PRKN: variants seen among roughly 807,000 people sequenced by gnomAD.
PRKN encodes E3 ubiquitin-protein ligase parkin.
Under a neutral mutation model 59.5 loss-of-function variants are expected in PRKN, and 56 were observed. The observed-to-expected ratio is 0.94, with a 90% CI of 0.76 to 1.18. The LOEUF (loss-of-function observed/expected upper bound fraction) is 1.18. PRKN is among the 50% of genes most tolerant of loss of function. The pLI, the probability that PRKN is intolerant of heterozygous loss-of-function variation, is 0.00. For synonymous variants in PRKN, 250 were observed against 222.1 expected, an observed-to-expected ratio of 1.13 and a Z score of -1.12; for missense variants, 657 against 596.4, an observed-to-expected ratio of 1.10 and a Z score of -1.06.
chr6:161,819,742 G>A (rs547027865), intron 6 of PRKN, among the ~76,000 whole-genome samples: 14 of 152,164 alleles, frequency 9.2e-5, no homozygotes, highest in Non-Finnish European at 1.8e-4. Flanking sequence ...CAGAGATTAA[G>A]GCACATCACA....
intron 4 of PRKN, among the ~76,000 whole-genome samples, chr6:162,158,049 A>T (rs1331141812): frequency 6.6e-6 from 1 of 152,022 alleles, no homozygotes; most frequent in Non-Finnish European, 1.5e-5. Flanking sequence ...TCAGAAGGTA[A>T]CTCATGAAAT....
chr6:162,328,569 C>T (rs774755114), intron 2 of PRKN, among the ~76,000 whole-genome samples: 6 of 152,118 alleles, frequency 3.9e-5, no homozygotes, highest in Non-Finnish European at 7.3e-5. Flanking sequence ...AGAAAAGAGA[C>T]CGGTAAATAA....
At chr6:162,380,236 T>C (rs367686287) in intron 2 of PRKN, among the ~76,000 whole-genome samples, 2 of 151,788 alleles carry the variant, frequency 1.3e-5, no homozygotes, top group East Asian at 1.9e-4. Context: ...AAATCAAGTA[T>C]AGTGATAGCA....
chr6:162,015,413 T>C (rs368196228), intron 5 of PRKN, among the ~76,000 whole-genome samples: 1 of 152,182 alleles, frequency 6.6e-6, no homozygotes, highest in African/African-American at 2.4e-5. Flanking sequence ...AAGGGAAAAG[T>C]AGTATGGCAA....
chr6:161,835,312 G>A (rs1304754500), intron 6 of PRKN, among the ~76,000 whole-genome samples: 1 of 152,070 alleles, frequency 6.6e-6, no homozygotes, highest in Non-Finnish European at 1.5e-5. Flanking sequence ...AGAAGGAAGG[G>A]GGGCTTCCTG....
At chr6:161,726,340 A>G (rs555729243) in intron 7 of PRKN, among the ~76,000 whole-genome samples, 1 of 152,206 alleles carries the variant, frequency 6.6e-6, no homozygotes, top group Non-Finnish European at 1.5e-5. Context: ...AACAGAGTAA[A>G]TCTATAACAA....
intron 7 of PRKN, among the ~76,000 whole-genome samples, chr6:161,687,430 C>T (rs1331983219): frequency 1.7e-5 from 2 of 120,762 alleles, no homozygotes; most frequent in Admixed American, 1.6e-4. Context: ...ACAACATTAA[C>T]AAAATAAGAT....
intron 6 of PRKN, among the ~76,000 whole-genome samples, chr6:161,832,361 C>T (rs1263243936): frequency 6.6e-6 from 1 of 152,054 alleles, no homozygotes; most frequent in African/African-American, 2.4e-5. Context: ...GGGTGGCTCT[C>T]ACGCCTGTAA....
At chr6:162,626,583 G>A (rs1386873115) in intron 1 of PRKN, among the ~76,000 whole-genome samples, 5 of 152,118 alleles carry the variant, frequency 3.3e-5, no homozygotes, top group Non-Finnish European at 7.3e-5. Flanking sequence ...GGAAAGCCGC[G>A]GAGGGTGGAT....
chr6:161,940,339 C>A (rs748707375), intron 6 of PRKN, among the ~76,000 whole-genome samples: 1 of 151,856 alleles, frequency 6.6e-6, no homozygotes, highest in South Asian at 2.1e-4. Context: ...TGTGTATGAG[C>A]ACAAAGGAAA....
chr6:162,201,001 A>G (rs1004997494), intron 4 of PRKN, 130 bp downstream of exon 4: 9 of 1,062,008 alleles, frequency 8.5e-6, no homozygotes, highest in African/African-American at 3.1e-5. Flanking sequence ...ATCATTAACT[A>G]TCACAACCAC....
At chr6:162,633,138 A>C (rs996906829) in intron 1 of PRKN, among the ~76,000 whole-genome samples, 9 of 147,630 alleles carry the variant, frequency 6.1e-5, no homozygotes, top group Non-Finnish European at 9.0e-5. Context: ...CTAAACCTTT[A>C]AAAAAAAAAA....
chr6:161,784,394 T>C (rs1790331219), intron 7 of PRKN, among the ~76,000 whole-genome samples: 3 of 152,220 alleles, frequency 2.0e-5, no homozygotes, highest in Non-Finnish European at 2.9e-5. Context: ...ATATCCTATA[T>C]CTGGTAAGGA....
chr6:162,513,601 G>A (rs1777723788), intron 1 of PRKN, among the ~76,000 whole-genome samples: 1 of 152,188 alleles, frequency 6.6e-6, no homozygotes, highest in African/African-American at 2.4e-5. Flanking sequence ...CCAAGTGATA[G>A]CTTTTCATGA....
rs777380603 is a variant in PRKN at position 161,407,105 on chromosome 6, A to G, written c.1084-20228T>C. Among the ~76,000 whole-genome samples the G allele has an allele frequency of 3.3e-5, 5 of 152,200 alleles. No homozygotes were observed. The highest frequency in any genetic ancestry group is 5.9e-5 in the Non-Finnish European group (4 of 68,036). On this transcript the variant is annotated intron_variant, in intron 9 of 11. Coordinates refer to ENST00000366898, the MANE Select transcript of PRKN (RefSeq NM_004562.3). The surrounding 1 kb of genome is among the most constrained non-coding windows in gnomAD (Gnocchi z 4.9). ...TTACATAAAAGCCTCTATAATGAGTATGCTATATTTGTCATTAAAATGTCT... is the reference window on the plus strand; with the variant it reads ...TTACATAAAAGCCTCTATAATGAGTGTGCTATATTTGTCATTAAAATGTCT...
Position 161,566,237 on chromosome 6 carries a change from C to T in PRKN, c.933+3118G>A, listed in dbSNP as rs1780638638. Among the ~76,000 whole-genome samples the T allele has an allele frequency of 6.6e-6, 1 of 152,170 alleles. No homozygotes were observed. The highest frequency in any genetic ancestry group is 6.5e-5 in the Admixed American group (1 of 15,276). ...TTCGAGGCAGGCTTTCCCCTCACTGCCCATGGTCAAGGTTACCAAGGACCT... is the reference window on the plus strand; with the variant it reads ...TTCGAGGCAGGCTTTCCCCTCACTGTCCATGGTCAAGGTTACCAAGGACCT... On this transcript the variant is annotated intron_variant, in intron 8 of 11. Transcript: ENST00000366898. The surrounding 1 kb of genome is among the most constrained non-coding windows in gnomAD (Gnocchi z 4.1).
At chr6:162,543,098 A>G (rs1778988091) in intron 1 of PRKN, among the ~76,000 whole-genome samples, 1 of 152,128 alleles carries the variant, frequency 6.6e-6, no homozygotes, top group African/African-American at 2.4e-5. Flanking sequence ...TCTAAATTAA[A>G]CATGTCCACT....
chr6:162,615,686 C>A (rs547796887), intron 1 of PRKN, among the ~76,000 whole-genome samples: 1 of 152,288 alleles, frequency 6.6e-6, no homozygotes, highest in South Asian at 2.1e-4. Context: ...TCTTATTCCA[C>A]CATTAATTAA....
chr6:162,227,013 C>T (rs1463132205), intron 3 of PRKN, among the ~76,000 whole-genome samples: 1 of 152,180 alleles, frequency 6.6e-6, no homozygotes, highest in African/African-American at 2.4e-5. Flanking sequence ...CGGCTGGCTG[C>T]CTGGCTGGCT....
Sources: allele counts gnomAD v4.1 joint callset (sites outside exome capture counted in the v4.1 genomes callset), GRCh38; gene constraint gnomAD v4.1.1; non-coding constraint Gnocchi (gnomAD v3.1); transcripts MANE v1.5; gene names NCBI Gene and HGNC (gene_info 2026-07-23, HGNC 2026-07-21).